STIM1: variants seen among roughly 807,000 people sequenced by gnomAD.
STIM1 encodes the protein stromal interaction molecule 1.
STIM1 carries 25 observed loss-of-function variants against 74.7 expected under a neutral mutation model. That is an observed-to-expected ratio of 0.33 (90% CI 0.24 to 0.47). The LOEUF (loss-of-function observed/expected upper bound fraction) is 0.47. Among genes scored for constraint, STIM1 ranks in the 20% least tolerant of loss-of-function variants. The pLI, the probability that STIM1 is intolerant of heterozygous loss-of-function variation, is 1.00. For missense variants in STIM1, 728 were observed against 920.8 expected (o/e 0.79, Z 2.71); for synonymous variants, 328 against 348.8 (o/e 0.94, Z 0.66).
At chr11:4,028,569 C>T (rs1048527546) in intron 3 of STIM1, among the ~76,000 whole-genome samples, 5 of 151,616 alleles carry the variant, frequency 3.3e-5, no homozygotes, top group South Asian at 2.1e-4. Flanking sequence ...CCCCCACGCC[C>T]GGCTAATTTT....
At chr11:3,860,334 C>T (rs2090548999) in intron 1 of STIM1, among the ~76,000 whole-genome samples, 1 of 152,018 alleles carries the variant, frequency 6.6e-6, no homozygotes, top group Non-Finnish European at 1.5e-5. Context: ...TATATTGTCC[C>T]CATTTTATAG....
At chr11:3,896,437 A>G (rs2092178751) in intron 1 of STIM1, among the ~76,000 whole-genome samples, 1 of 152,296 alleles carries the variant, frequency 6.6e-6, no homozygotes, top group Middle Eastern at 3.4e-3. Flanking sequence ...ATCTAAGTCT[A>G]TTTGACTTCA....
intron 2 of STIM1, among the ~76,000 whole-genome samples, chr11:4,017,462 T>G (rs1463225320): frequency 6.6e-6 from 1 of 152,240 alleles, no homozygotes; most frequent in Non-Finnish European, 1.5e-5. Context: ...TCTGAGTTTC[T>G]CTGCTCTCCA....
chr11:4,049,737 C>G (rs2094224109), intron 3 of STIM1: 1 of 143,034 alleles, frequency 7.0e-6, no homozygotes, highest in Non-Finnish European at 1.6e-5. Flanking sequence ...CACACACACA[C>G]ACACACACAC....
At position 4,089,337 on chromosome 11, in the gene STIM1, G is replaced by C. The variant is rs1195140548; in HGVS notation, c.1635-1945G>C. 2.6e-5 allele frequency among the ~76,000 whole-genome samples: 4 copies of C among 152,308 alleles called. No individual in the cohort carries two copies. In the South Asian group the frequency reaches 8.3e-4, roughly 32 times the overall value. On this transcript the variant is annotated intron_variant, in intron 12 of 12. Coordinates refer to ENST00000526596, the MANE Select transcript of STIM1 (RefSeq NM_001382567.1). ...GATTTCTCCTCCTTGGTGTTAGAGA[G>C]GGTAGGATCCCAGAATCTTCACTTC... is the stretch of plus-strand genomic sequence containing the variant.
intron 2 of STIM1, among the ~76,000 whole-genome samples, chr11:3,982,290 A>C (rs187843439): frequency 9.8e-4 from 148 of 151,748 alleles, no homozygotes; most frequent in African/African-American, 3.4e-3. Flanking sequence ...TCAGCCTCCC[A>C]AAATCCTGGG....
intron 1 of STIM1, among the ~76,000 whole-genome samples, chr11:3,920,793 A>AT (rs559103662): frequency 2.9e-4 from 43 of 148,122 alleles, no homozygotes; most frequent in African/African-American, 8.0e-4. Flanking sequence ...TTTTTTTTTT[A>AT]TTTTTTTTAA....
intron 1 of STIM1, among the ~76,000 whole-genome samples, chr11:3,950,134 A>ATTTT (rs574446467): frequency 7.6e-6 from 1 of 132,212 alleles, no homozygotes; most frequent in African/African-American, 2.8e-5. Context: ...TAGGTCATTC[A>ATTTT]TTTTTTTTTT....
At chr11:4,013,073 C>G (rs1394795437) in intron 2 of STIM1, among the ~76,000 whole-genome samples, 2 of 152,196 alleles carry the variant, frequency 1.3e-5, no homozygotes, top group Non-Finnish European at 2.9e-5. Context: ...CAGGATGAAG[C>G]CAACTTGATC....
At chr11:4,062,302 A>G (rs1419162426) in intron 5 of STIM1, among the ~76,000 whole-genome samples, 1 of 152,228 alleles carries the variant, frequency 6.6e-6, no homozygotes, top group African/African-American at 2.4e-5. Context: ...CATTTTTCTG[A>G]CAAGGCTCTA....
chr11:3,917,964 C>A (rs565394803), intron 1 of STIM1, among the ~76,000 whole-genome samples: 16 of 152,280 alleles, frequency 1.1e-4, no homozygotes, highest in Admixed American at 2.6e-4. Context: ...GTGACTCTTT[C>A]TTTTGCAGGT....
chr11:3,945,879 A>G (rs145674920), intron 1 of STIM1, among the ~76,000 whole-genome samples: 2 of 152,328 alleles, frequency 1.3e-5, no homozygotes, highest in African/African-American at 4.8e-5. Flanking sequence ...GCTTACAGTC[A>G]TGGTGAAAGG....
intron 1 of STIM1, among the ~76,000 whole-genome samples, chr11:3,918,232 A>G (rs1162982387): frequency 1.3e-5 from 2 of 152,088 alleles, no homozygotes; most frequent in African/African-American, 4.8e-5. Context: ...GAAAGATACA[A>G]CAGGCCTGGC....
At chr11:3,958,861 C>T (rs1229592449) in intron 1 of STIM1, among the ~76,000 whole-genome samples, 2 of 151,168 alleles carry the variant, frequency 1.3e-5, no homozygotes, top group South Asian at 2.1e-4. Context: ...AGGAGAATCG[C>T]TTGAACCTGG....
In STIM1 at chr11:4,092,273, G is replaced by T; in HGVS notation, c.*475G>T. 1 of 220,828 alleles carries T rather than the reference G, an allele frequency of 4.5e-6. No individual in the cohort carries two copies. Among genetic ancestry groups the T allele is most frequent in the Non-Finnish European group, 9.2e-6 (1 of 108,978 alleles). The allele number at this position is 220,828 out of a possible 1,614,324, so 13.7% of individuals were successfully genotyped here. The stretch of plus-strand genomic sequence containing the variant: ...AGATCTGTTCCACCCCACTCACAGT[G>T]GTTCTGTTTGCTCCAGACTGGGGCT... On this transcript the variant is annotated 3_prime_UTR_variant, in exon 13 of 13. Coordinates refer to ENST00000526596, the MANE Select transcript of STIM1 (RefSeq NM_001382567.1).
intron 1 of STIM1, chr11:3,921,813 C>A (rs969778904): frequency 6.6e-6 from 1 of 152,162 alleles, no homozygotes; most frequent in Admixed American, 6.5e-5. Context: ...CTGCGGAAGT[C>A]CCATCAATAT....
At chr11:3,862,697 T>C (rs535888732) in intron 1 of STIM1, among the ~76,000 whole-genome samples, 17 of 152,146 alleles carry the variant, frequency 1.1e-4, no homozygotes, top group African/African-American at 2.9e-4. Context: ...CTGTCCGCCT[T>C]GGCCTCCCAA....
Position 4,092,193 on chromosome 11 carries a change from T to G in STIM1, c.*395T>G. On this transcript the variant is annotated 3_prime_UTR_variant, in exon 13 of 13. Transcript: ENST00000526596. Reference sequence around the variant, plus strand: ...CTCCTCCCTCCCACCACTCCCCAACTTCCCCTAGCAGTTGCAGGGAAGATA... The same window carrying G: ...CTCCTCCCTCCCACCACTCCCCAACGTCCCCTAGCAGTTGCAGGGAAGATA... The G allele has an allele frequency of 6.2e-6, 2 of 321,752 alleles. No individual in the cohort carries two copies. The highest frequency in any genetic ancestry group is 1.2e-5 in the Non-Finnish European group (2 of 165,418). 19.9% of individuals were successfully genotyped at this position (321,752 alleles called of 1,614,324 possible).
At chr11:3,934,762 A>C (rs2092912937) in intron 1 of STIM1, among the ~76,000 whole-genome samples, 2 of 152,250 alleles carry the variant, frequency 1.3e-5, no homozygotes, top group Admixed American at 1.3e-4. Context: ...TCCCAGGCCC[A>C]TAGCCCTTCA....
Sources: gnomAD v4.1 joint callset for allele counts (sites outside exome capture counted in the v4.1 genomes callset) on GRCh38, gnomAD v4.1.1 for gene constraint, MANE v1.5 for transcripts, NCBI Gene and HGNC (gene_info 2026-07-23, HGNC 2026-07-21) for gene names.